The following KIF16B variants were observed in gnomAD, a reference collection of about 807,000 sequenced individuals.
KIF16B encodes the protein kinesin-like protein KIF16B.
Under a neutral mutation model 156.3 loss-of-function variants are expected in KIF16B, and 98 were observed. The observed-to-expected ratio is 0.63, with a 90% CI of 0.53 to 0.74. KIF16B has a LOEUF of 0.74. KIF16B is among the 30% of genes least tolerant of loss of function. KIF16B has a pLI of 0.00. For synonymous variants in KIF16B, 564 were observed against 583.7 expected (o/e 0.97, Z 0.49); for missense variants, 1,421 against 1,606.5 (o/e 0.88, Z 1.97).
At chr20:16,278,499 G>C (rs1358744076) in intron 25 of KIF16B, among the ~76,000 whole-genome samples, 1 of 152,116 alleles carries the variant, frequency 6.6e-6, no homozygotes, top group African/African-American at 2.4e-5. Flanking sequence ...TTTCAGTGCT[G>C]ACATAGAGTA....
rs1370197850 is a variant in KIF16B at position 16,439,754 on chromosome 20, T to C, written c.1303-9772A>G. Among the ~76,000 whole-genome samples the C allele has an allele frequency of 4.6e-5, 7 of 152,218 alleles. No individual in the cohort carries two copies. In the East Asian group the frequency reaches 1.4e-3, roughly 29 times the overall value. ...AAGGCAAGGAGGAGCAAGTCACATC[T>C]TACATGGATGGCAGCAGACAAAGGG... is the stretch of plus-strand genomic sequence containing the variant. On this transcript the variant is annotated intron_variant, in intron 12 of 25. Transcript: ENST00000354981.
chr20:16,538,960 C>T (rs2070087400), intron 1 of KIF16B, among the ~76,000 whole-genome samples: 1 of 152,054 alleles, frequency 6.6e-6, no homozygotes, highest in South Asian at 2.1e-4. Flanking sequence ...TGCCTGCTCC[C>T]ACTTTACCTT....
At chr20:16,507,327 T>A (rs1287712970) in intron 7 of KIF16B, among the ~76,000 whole-genome samples, 2 of 152,146 alleles carry the variant, frequency 1.3e-5, no homozygotes, top group Non-Finnish European at 2.9e-5. Flanking sequence ...TGTGTCCAAC[T>A]GTTAACCCAG....
intron 1 of KIF16B, among the ~76,000 whole-genome samples, chr20:16,536,796 C>T (rs2069984255): frequency 6.6e-6 from 1 of 152,116 alleles, no homozygotes; most frequent in African/African-American, 2.4e-5. Context: ...CCCATCCACA[C>T]CCTGTGGACC....
At chr20:16,452,461 T>A (rs1302703410) in intron 12 of KIF16B, among the ~76,000 whole-genome samples, 1 of 148,568 alleles carries the variant, frequency 6.7e-6, no homozygotes, top group Admixed American at 6.7e-5. Flanking sequence ...GAAAAGTATA[T>A]CCACAAAGCT....
At chr20:16,442,342 G>GTT (rs1192699363) in intron 12 of KIF16B, among the ~76,000 whole-genome samples, 1 of 149,816 alleles carries the variant, frequency 6.7e-6, no homozygotes, top group African/African-American at 2.5e-5. Flanking sequence ...CAATGTGTGT[G>GTT]TGTGTGTATA....
intron 6 of KIF16B, among the ~76,000 whole-genome samples, chr20:16,511,118 T>G (rs908958267): frequency 2.0e-5 from 3 of 152,230 alleles, no homozygotes; most frequent in African/African-American, 7.2e-5. Context: ...GCAATGCCAT[T>G]TAGAGAGACA....
Position 16,529,419 on chromosome 20 carries a change from A to G in KIF16B, c.48-979T>C, listed in dbSNP as rs539870547. Among the ~76,000 whole-genome samples the G allele has an allele frequency of 5.3e-5, 8 of 152,364 alleles. No homozygotes were observed. The East Asian group carries it at 1.5e-3, about 29-fold the overall frequency. ...GAAACTATTTCAATTACGACTCTATAGAGGAATTTGACTGTATACTATAAT... is the reference window on the plus strand; with the variant it reads ...GAAACTATTTCAATTACGACTCTATGGAGGAATTTGACTGTATACTATAAT... On this transcript the variant is annotated intron_variant, in intron 1 of 25. Coordinates refer to ENST00000354981, the MANE Select transcript of KIF16B (RefSeq NM_024704.5).
At chr20:16,571,619 G>A (rs2071454546) in intron 1 of KIF16B, among the ~76,000 whole-genome samples, 1 of 151,620 alleles carries the variant, frequency 6.6e-6, no homozygotes, top group Admixed American at 6.6e-5. Flanking sequence ...TTTGGTAGGT[G>A]CTTAACAAAT....
chr20:16,403,895 A>G (rs944769071), intron 17 of KIF16B, among the ~76,000 whole-genome samples: 3 of 152,172 alleles, frequency 2.0e-5, no homozygotes, highest in East Asian at 3.9e-4. Context: ...CAGTCCCCCA[A>G]CTGCAGGAGG....
At chr20:16,499,585 G>A (rs541547508) in intron 10 of KIF16B, among the ~76,000 whole-genome samples, 3 of 152,332 alleles carry the variant, frequency 2.0e-5, no homozygotes, top group African/African-American at 7.2e-5. Flanking sequence ...AGTGGCAGAT[G>A]TTAGTATTAC....
chr20:16,382,754 C>T (rs531277851), intron 17 of KIF16B, among the ~76,000 whole-genome samples: 149 of 152,142 alleles, frequency 9.8e-4, no homozygotes, highest in African/African-American at 2.9e-3. Context: ...TACCTCCCCC[C>T]ACCCCACCAC....
At chr20:16,292,587 T>C (rs2063329477) in intron 25 of KIF16B, among the ~76,000 whole-genome samples, 1 of 152,204 alleles carries the variant, frequency 6.6e-6, no homozygotes, top group Non-Finnish European at 1.5e-5. Flanking sequence ...GGGGAATTGA[T>C]GCATTTGCAA....
At chr20:16,498,967 G>T (rs577562257) in intron 10 of KIF16B, among the ~76,000 whole-genome samples, 7 of 151,890 alleles carry the variant, frequency 4.6e-5, no homozygotes, top group Non-Finnish European at 1.0e-4. Context: ...GCCACACCTG[G>T]TATCTGTATA....
At chr20:16,313,978 A>AGT (rs1330007514) in intron 24 of KIF16B, among the ~76,000 whole-genome samples, 5 of 152,122 alleles carry the variant, frequency 3.3e-5, no homozygotes, top group African/African-American at 2.4e-5. Context: ...TGGGTTATAG[A>AGT]GTGTGTGTGT....
chr20:16,294,234 T>C (rs780949015), intron 25 of KIF16B, among the ~76,000 whole-genome samples: 5 of 151,902 alleles, frequency 3.3e-5, no homozygotes, highest in East Asian at 1.9e-4. Flanking sequence ...CACAAACACA[T>C]GCACAGAAAA....
chr20:16,437,992 A>AAT (rs2066692735), intron 12 of KIF16B, among the ~76,000 whole-genome samples: 1 of 141,948 alleles, frequency 7.0e-6, no homozygotes, highest in African/African-American at 2.5e-5. Context: ...AAAATAATAA[A>AAT]AAAAAAAAAA....
At chr20:16,507,820 CTAAT>C in intron 7 of KIF16B, 134 bp downstream of exon 7, 1 of 859,964 alleles carries the variant, frequency 1.2e-6, no homozygotes, top group Non-Finnish European at 1.8e-6. Flanking sequence ...ATGTTCAACT[CTAAT>C]TAACAAGAAA....
At chr20:16,518,250 G>A (rs1035078189) in intron 3 of KIF16B, among the ~76,000 whole-genome samples, 6 of 152,158 alleles carry the variant, frequency 3.9e-5, no homozygotes, top group African/African-American at 7.2e-5. Context: ...CAAGGAAATC[G>A]AGATACCCCC....
Sources: allele counts gnomAD v4.1 joint callset (sites outside exome capture counted in the v4.1 genomes callset), GRCh38; gene constraint gnomAD v4.1.1; transcripts MANE v1.5; gene names NCBI Gene and HGNC (gene_info 2026-07-23, HGNC 2026-07-21).